Variants in CMPK2 observed in about 807,000 individuals in gnomAD.
CMPK2 encodes UMP-CMP kinase 2, mitochondrial.
CMPK2 carries 32 observed loss-of-function variants against 33.4 expected under a neutral mutation model. The ratio of observed to expected loss-of-function variants is 0.96; its 90% CI spans 0.72 to 1.29. The LOEUF (loss-of-function observed/expected upper bound fraction) is 1.29. Among genes scored for constraint, CMPK2 ranks in the 50% most tolerant of loss-of-function variants. CMPK2 has a pLI of 0.00. For missense variants in CMPK2, 672 were observed against 616.0 expected, an observed-to-expected ratio of 1.09 and a Z score of -0.96; for synonymous variants, 299 against 275.3, an observed-to-expected ratio of 1.09 and a Z score of -0.85.
chr2:6,865,628 G>C lies in CMPK2; in HGVS notation c.69C>G (p.Cys23Trp). ...SGPLLGRRGV[C>W]AGAMAPPRRF... ...GGCGCGGCGGAGCCATGGCCCCAGC[G>C]CAGACCCCGCGCCGCCCGAGCAGCG... Residue 23 changes from cysteine (C) to tryptophan (W), a missense_variant, in exon 1 of 5, where the codon TGC becomes TGG. Coordinates refer to ENST00000256722, the MANE Select transcript of CMPK2 (RefSeq NM_207315.4). 7.3e-7 allele frequency: 1 copy of C among 1,369,428 alleles called. No homozygotes were observed. Among genetic ancestry groups the C allele is most frequent in the South Asian group, 1.7e-5 (1 of 59,080 alleles). 84.8% of individuals were successfully genotyped at this position (1,369,428 alleles called of 1,614,324 possible).
intron 3 of CMPK2, among the ~76,000 whole-genome samples, chr2:6,856,736 A>G (rs1662714560): frequency 6.6e-6 from 1 of 152,212 alleles, no homozygotes; most frequent in Admixed American, 6.5e-5. Context: ...TCTTTGCAGT[A>G]TGGATAACTG....
intron 1 of CMPK2, among the ~76,000 whole-genome samples, chr2:6,864,114 A>G (rs1662972542): frequency 6.6e-6 from 1 of 152,164 alleles, no homozygotes; most frequent in South Asian, 2.1e-4. Context: ...AGCATCTCAG[A>G]GCGAGGCTCA....
At chr2:6,855,442 T>C (rs1197489524) in intron 3 of CMPK2, among the ~76,000 whole-genome samples, 4 of 151,958 alleles carry the variant, frequency 2.6e-5, no homozygotes, top group Non-Finnish European at 4.4e-5. Flanking sequence ...CATATAGCCA[T>C]GCAGAATTGT....
chr2:6,864,591 G>A (rs1662994178), intron 1 of CMPK2: 1 of 157,210 alleles, frequency 6.4e-6, no homozygotes, highest in Non-Finnish European at 1.4e-5. Flanking sequence ...CAAGGTTCAT[G>A]GCCAGTCGGT....
At chr2:6,852,539 T>C (rs1467399356) in intron 3 of CMPK2, among the ~76,000 whole-genome samples, 2 of 152,170 alleles carry the variant, frequency 1.3e-5, no homozygotes, top group Admixed American at 1.3e-4. Flanking sequence ...ATTGACTGTT[T>C]TCTCCTCTGT....
intron 3 of CMPK2, among the ~76,000 whole-genome samples, chr2:6,855,512 G>C (rs1662660631): frequency 6.6e-6 from 1 of 152,156 alleles, no homozygotes; most frequent in South Asian, 2.1e-4. Flanking sequence ...CTTTATAGCA[G>C]TGTGAGAAAG....
At chr2:6,850,848 G>T in intron 4 of CMPK2, 1 of 988,026 alleles carries the variant, frequency 1.0e-6, no homozygotes, top group Non-Finnish European at 1.2e-6. Context: ...ACTCAGTCAT[G>T]AGGCAGGAGG....
chr2:6,853,730 G>A (rs778032374), intron 3 of CMPK2, among the ~76,000 whole-genome samples: 7 of 151,978 alleles, frequency 4.6e-5, no homozygotes, highest in Admixed American at 2.0e-4. Context: ...GTGAAACCCC[G>A]TCTTTACTAA....
Position 6,865,516 on chromosome 2 carries a change from G to T in CMPK2, c.181C>A (p.Arg61Ser), listed in dbSNP as rs1272341032. Residue 61 changes from arginine (R) to serine (S), a missense_variant, in exon 1 of 5, where the codon CGC becomes AGC. Transcript: ENST00000256722. Reference protein sequence around the residue: ...APGDADAPDPRLAALLGPPER... With the variant: ...APGDADAPDPSLAALLGPPER... The stretch of plus-strand genomic sequence containing the variant: ...GGGGGCCCCAGCAGCGCCGCCAGGC[G>T]GGGGTCGGGGGCGTCTGCGTCGCCG... The T allele has an allele frequency of 4.7e-6, 6 of 1,274,096 alleles. No individual in the cohort carries two copies. In the Admixed American group the frequency reaches 1.3e-4, roughly 27 times the overall value. The allele number at this position is 1,274,096 out of a possible 1,614,324, so 78.9% of individuals were successfully genotyped here. A position where few individuals can be genotyped will look rare whatever the true frequency, so the allele number is the denominator to read the frequency against.
downstream of CMPK2, among the ~76,000 whole-genome samples, chr2:6,845,142 G>C (rs1662327355): frequency 6.6e-6 from 1 of 152,068 alleles, no homozygotes; most frequent in African/African-American, 2.4e-5. Context: ...GTAAACCTTG[G>C]ACCATTTACC....
chr2:6,843,243 G>C (rs1229893877), intron 3 of CMPK2, among the ~76,000 whole-genome samples: 1 of 152,160 alleles, frequency 6.6e-6, no homozygotes, highest in Non-Finnish European at 1.5e-5. Context: ...GTCCCACACT[G>C]TGAACCATTT....
chr2:6,847,710 T>A (rs1458547610), downstream of CMPK2, among the ~76,000 whole-genome samples: 1 of 152,198 alleles, frequency 6.6e-6, no homozygotes, highest in Non-Finnish European at 1.5e-5. Context: ...CACCTCTGAA[T>A]ACAGCCGATA....
chr2:6,856,919 T>A (rs909821077), intron 3 of CMPK2, among the ~76,000 whole-genome samples: 3 of 152,242 alleles, frequency 2.0e-5, no homozygotes, highest in African/African-American at 7.2e-5. Flanking sequence ...GTTGATGGGC[T>A]TTAGGTTTTT....
At position 6,865,607 on chromosome 2, in the gene CMPK2, C is replaced by T. The variant is rs371149059; in HGVS notation, c.90G>A (p.Pro30=). 1 of 1,394,334 alleles carries T rather than the reference C, an allele frequency of 7.2e-7. No homozygotes were observed. Among genetic ancestry groups the T allele is most frequent in the Admixed American group, 2.9e-5 (1 of 35,022 alleles). The allele number at this position is 1,394,334 out of a possible 1,614,324, so 86.4% of individuals were successfully genotyped here. The part of the protein sequence containing the change: ...RGVCAGAMAP[P]RRFVLELPDC... ...CGGGAAGCTCCAGGACGAAGCGGCG[C>T]GGCGGAGCCATGGCCCCAGCGCAGA... The change falls in exon 1 of 5, where the codon CCG becomes CCA. Residue 30 remains proline, a synonymous_variant. Coordinates refer to ENST00000256722, the MANE Select transcript of CMPK2 (RefSeq NM_207315.4).
chr2:6,849,399 C>T lies in CMPK2; in HGVS notation c.*451G>A. On this transcript the variant is annotated 3_prime_UTR_variant, in exon 5 of 5. Transcript: ENST00000256722. The stretch of plus-strand genomic sequence containing the variant: ...TGCAGCGAGCCCATCATGACGAGTG[C>T]AACCAGATGTGGAAGAAGCCAATGT... 5 of 989,328 alleles carry T rather than the reference C, an allele frequency of 5.1e-6. No individual in the cohort carries two copies. The highest frequency in any genetic ancestry group is 6.0e-6 in the Non-Finnish European group (5 of 832,702). The allele number at this position is 989,328 out of a possible 1,614,324, so 61.3% of individuals were successfully genotyped here.
chr2:6,855,641 A>G (rs904933354), intron 3 of CMPK2, among the ~76,000 whole-genome samples: 3 of 152,296 alleles, frequency 2.0e-5, no homozygotes, highest in Non-Finnish European at 4.4e-5. Context: ...AGTTCATCCT[A>G]AGATTCCATG....
At position 6,865,041 on chromosome 2, in the gene CMPK2, G is replaced by C. The variant is rs1663015484; in HGVS notation, c.656C>G (p.Ala219Gly). The C allele has an allele frequency of 6.3e-6, 9 of 1,430,698 alleles. No homozygotes were observed. Among genetic ancestry groups the C allele is most frequent in the Non-Finnish European group, 8.3e-6 (9 of 1,089,936 alleles). The allele number at this position is 1,430,698 out of a possible 1,614,324, so 88.6% of individuals were successfully genotyped here. ...SSVVFPDREA[A>G]RAVLEECTSF... ...TCTTACCTCCTCCAAAACGGCCCGG[G>C]CGGCTTCCCGGTCCGGGAAGACCAC... The change falls in exon 1 of 5, where the codon GCC becomes GGC. Residue 219 changes from alanine (A) to glycine (G), a missense_variant. Coordinates refer to ENST00000256722, the MANE Select transcript of CMPK2 (RefSeq NM_207315.4).
At position 6,861,230 on chromosome 2, in the gene CMPK2, A is replaced by C. The variant is rs2103226851; in HGVS notation, c.946T>G (p.Ser316Ala). 1.2e-6 allele frequency: 2 copies of C among 1,614,092 alleles called. No homozygotes were observed. Among genetic ancestry groups the C allele is most frequent in the Middle Eastern group, 3.3e-4 (2 of 6,062 alleles). Residue 316 changes from serine (S) to alanine (A), a missense_variant, in exon 3 of 5, where the codon TCC (serine) becomes GCC (alanine). Physicochemically the swap from Ser to Ala is moderately conservative, Grantham distance 99. Transcript: ENST00000256722. ...TTGGCAGATTCTTTAGCTATTTCGG[A>C]GGCCACAATATAATTGCCCAAAGAG... ...FYSLGNYIVA[S>A]EIAKESAKSP... is the part of the protein sequence containing the mutation.
downstream of CMPK2, among the ~76,000 whole-genome samples, chr2:6,845,629 A>T (rs1662340717): frequency 6.6e-6 from 1 of 152,108 alleles, no homozygotes; most frequent in Admixed American, 6.5e-5. Flanking sequence ...AGACCCACTC[A>T]ACCCAAAAGG....
Sources: allele counts gnomAD v4.1 joint callset (sites outside exome capture counted in the v4.1 genomes callset), GRCh38; gene constraint gnomAD v4.1.1; transcripts MANE v1.5; gene names NCBI Gene and HGNC (gene_info 2026-07-23, HGNC 2026-07-21).